PDE3B: variants seen among roughly 807,000 people sequenced by gnomAD.
The protein encoded by PDE3B is cGMP-inhibited 3',5'-cyclic phosphodiesterase 3B.
Under a neutral mutation model 116.8 loss-of-function variants are expected in PDE3B, and 66 were observed. The observed-to-expected ratio is 0.56, with a 90% CI of 0.46 to 0.69. The LOEUF (loss-of-function observed/expected upper bound fraction) is 0.69. PDE3B is among the 30% of genes least tolerant of loss of function. The pLI is 0.00. For missense variants in PDE3B, 1,384 were observed against 1,368.1 expected, an observed-to-expected ratio of 1.01 and a Z score of -0.18; for synonymous variants, 595 against 533.6, an observed-to-expected ratio of 1.12 and a Z score of -1.59.
At chr11:14,801,362 G>A (rs1435456418) in intron 4 of PDE3B, among the ~76,000 whole-genome samples, 2 of 152,214 alleles carry the variant, frequency 1.3e-5, no homozygotes, top group Admixed American at 1.3e-4. Context: ...CCTTTCTGTT[G>A]TTAGTTTTCC....
intron 1 of PDE3B, among the ~76,000 whole-genome samples, chr11:14,703,187 C>T (rs752001087): frequency 1.3e-5 from 2 of 151,796 alleles, no homozygotes; most frequent in South Asian, 2.1e-4. Context: ...CTGTTACATT[C>T]GAGTTCCAAG....
At chr11:14,664,636 C>G (rs1195823427) in intron 1 of PDE3B, among the ~76,000 whole-genome samples, 5 of 152,162 alleles carry the variant, frequency 3.3e-5, no homozygotes, top group African/African-American at 1.2e-4. Flanking sequence ...ATACTACAAA[C>G]AGCTCTAAGC....
chr11:14,711,337 C>T (rs142045556), intron 1 of PDE3B, among the ~76,000 whole-genome samples: 144 of 152,160 alleles, frequency 9.5e-4, no homozygotes, highest in African/African-American at 3.2e-3. Context: ...TAAGAGGTGA[C>T]CCAGAATATA....
intron 1 of PDE3B, among the ~76,000 whole-genome samples, chr11:14,652,480 T>G (rs1853597143): frequency 6.6e-6 from 1 of 152,200 alleles, no homozygotes; most frequent in Non-Finnish European, 1.5e-5. Flanking sequence ...GAGATTCCAA[T>G]ATGAATTTTA....
intron 1 of PDE3B, among the ~76,000 whole-genome samples, chr11:14,684,828 A>G (rs1590060450): frequency 6.6e-6 from 1 of 152,302 alleles, no homozygotes; most frequent in East Asian, 1.9e-4. Flanking sequence ...CTGCAGGAAG[A>G]AAAATATGGC....
chr11:14,751,119 T>C (rs1465728033), intron 1 of PDE3B, among the ~76,000 whole-genome samples: 1 of 152,190 alleles, frequency 6.6e-6, no homozygotes, highest in Non-Finnish European at 1.5e-5. Flanking sequence ...GTCAGAAACA[T>C]TGTGCACCTG....
intron 1 of PDE3B, chr11:14,674,234 C>G: frequency 8.2e-7 from 1 of 1,220,590 alleles, no homozygotes; most frequent in Admixed American, 1.7e-5. Flanking sequence ...TTTGTTTTCA[C>G]TTCAACATTT....
chr11:14,727,750 C>T (rs935745190), intron 1 of PDE3B, among the ~76,000 whole-genome samples: 1 of 152,096 alleles, frequency 6.6e-6, no homozygotes, highest in Admixed American at 6.6e-5. Flanking sequence ...TGCATTTTTT[C>T]TCCTTTGTCT....
intron 12 of PDE3B, among the ~76,000 whole-genome samples, chr11:14,844,279 T>G (rs1847539927): frequency 6.6e-6 from 1 of 152,120 alleles, no homozygotes; most frequent in Non-Finnish European, 1.5e-5. Flanking sequence ...AATTCTAGAG[T>G]CCTTGCTGTC....
rs199908507 is a variant in PDE3B, at chr11:14,831,904, GA to G, written c.2094+134del. ...ATGACATTGTTCATTATTTTTTTCA[GA>G]AAAAAATAAATATATACATAAAACA... On this transcript the variant is annotated intron_variant, in intron 9 of 15. Coordinates refer to ENST00000282096, the MANE Select transcript of PDE3B (RefSeq NM_000922.4). 8.5e-3 allele frequency: 4,777 copies of G among 560,262 alleles called. 186 individuals are homozygous for G. Among genetic ancestry groups the G allele is most frequent in the African/African-American group, 0.085 (4,330 of 51,134 alleles). 34.7% of individuals were successfully genotyped at this position (560,262 alleles called of 1,614,324 possible).
chr11:14,815,589 A>C (rs2133946996), intron 5 of PDE3B, among the ~76,000 whole-genome samples: 1 of 152,306 alleles, frequency 6.6e-6, no homozygotes, highest in African/African-American at 2.4e-5. Flanking sequence ...AGCAAGAAGA[A>C]TCTCTAGAGT....
chr11:14,858,647 A>G (rs1847891560), intron 12 of PDE3B, among the ~76,000 whole-genome samples: 1 of 152,168 alleles, frequency 6.6e-6, no homozygotes, highest in South Asian at 2.1e-4. Flanking sequence ...AACAACAGAA[A>G]TGTATTCTGA....
At chr11:14,825,308 G>A (rs944413250) in intron 7 of PDE3B, among the ~76,000 whole-genome samples, 9 of 152,050 alleles carry the variant, frequency 5.9e-5, no homozygotes, top group Non-Finnish European at 7.4e-5. Flanking sequence ...AGTGTAAATG[G>A]GCTAAATGCC....
intron 1 of PDE3B, among the ~76,000 whole-genome samples, chr11:14,712,767 G>A (rs1187700981): frequency 4.6e-5 from 7 of 152,296 alleles, no homozygotes; most frequent in East Asian, 3.9e-4. Flanking sequence ...GAGCCACTGC[G>A]CCTGGCCAAG....
intron 10 of PDE3B, 116 bp from the exon 11 acceptor site, chr11:14,834,866 T>A (rs907393380): frequency 2.0e-6 from 1 of 501,910 alleles, no homozygotes; most frequent in Non-Finnish European, 3.6e-6. Context: ...AAAATTCAAT[T>A]GTGGGGAATT....
At chr11:14,678,218 A>C (rs1168058694) in intron 1 of PDE3B, among the ~76,000 whole-genome samples, 1 of 150,486 alleles carries the variant, frequency 6.6e-6, no homozygotes, top group Non-Finnish European at 1.5e-5. Flanking sequence ...GAGCCACTGC[A>C]CCTGGCCTAT....
At chr11:14,654,831 CAG>C (rs1491325827) in intron 1 of PDE3B, among the ~76,000 whole-genome samples, 15 of 142,518 alleles carry the variant, frequency 1.1e-4, no homozygotes, top group South Asian at 4.5e-4. Context: ...CACACACACA[CAG>C]AGCTAGTGCA....
chr11:14,851,811 A>G (rs535438972), intron 12 of PDE3B, among the ~76,000 whole-genome samples: 4 of 152,332 alleles, frequency 2.6e-5, no homozygotes, highest in Admixed American at 2.6e-4. Context: ...CTGAGGATTA[A>G]TGGCATAGTG....
At chr11:14,878,687 A>G in the PDE3B span, among the ~76,000 whole-genome samples, 1 of 152,120 alleles carries the variant, frequency 6.6e-6, no homozygotes, top group Admixed American at 6.6e-5. Flanking sequence ...TCCATCTTCC[A>G]TGGGTCTTGT....
Sources: gnomAD v4.1 joint callset for allele counts (sites outside exome capture counted in the v4.1 genomes callset) on GRCh38, gnomAD v4.1.1 for gene constraint, MANE v1.5 for transcripts, NCBI Gene and HGNC (gene_info 2026-07-23, HGNC 2026-07-21) for gene names.